Variants in MALRD1 observed in about 807,000 individuals in gnomAD.
The protein encoded by MALRD1 is MAM and LDL-receptor class A domain-containing protein 1.
In MALRD1, 247 loss-of-function variants were observed where a neutral mutation model predicts 242.1. The ratio of observed to expected loss-of-function variants is 1.02; its 90% CI spans 0.92 to 1.13. The LOEUF (loss-of-function observed/expected upper bound fraction) is 1.13. MALRD1 is among the 50% of genes most tolerant of loss of function. MALRD1 has a pLI of 0.00. For synonymous variants in MALRD1, 995 were observed against 866.6 expected (o/e 1.15, Z -2.60); for missense variants, 2,989 against 2,533.1 (o/e 1.18, Z -3.86).
At chr10:19,365,298 A>AT (rs553208742) in intron 26 of MALRD1, among the ~76,000 whole-genome samples, 55 of 151,778 alleles carry the variant, frequency 3.6e-4, no homozygotes, top group Middle Eastern at 3.4e-3. Context: ...TTTAGTGATG[A>AT]TTTTTTTTGT....
chr10:19,222,794 T>C (rs561510828), intron 18 of MALRD1, among the ~76,000 whole-genome samples: 8 of 152,334 alleles, frequency 5.3e-5, no homozygotes, highest in African/African-American at 1.9e-4. Flanking sequence ...CCAAATAGTT[T>C]TGCTTGCTTT....
chr10:19,158,215 G>A lies in MALRD1; in HGVS notation c.1656+3043G>A, dbSNP rs187701751. ...TTTTCATATTTGAGTTACTGTGTAA[G>A]TAACACAATCTCTTACTTTTAGGAC... is the stretch of plus-strand genomic sequence containing the variant. On this transcript the variant is annotated intron_variant, in intron 12 of 39. Coordinates refer to ENST00000454679, the MANE Select transcript of MALRD1 (RefSeq NM_001142308.3). Among the ~76,000 whole-genome samples, 127 of 152,298 alleles carry A rather than the reference G, an allele frequency of 8.3e-4. 1 individual carries two copies. The highest frequency in any genetic ancestry group is 1.5e-3 in the Non-Finnish European group (104 of 68,018).
chr10:19,621,263 A>G (rs1335755180), intron 36 of MALRD1, among the ~76,000 whole-genome samples: 4 of 150,704 alleles, frequency 2.7e-5, no homozygotes, highest in African/African-American at 4.9e-5. Flanking sequence ...ATTAAATATT[A>G]TTTATAAAAC....
intron 19 of MALRD1, among the ~76,000 whole-genome samples, chr10:19,259,639 G>A (rs1004992830): frequency 5.9e-5 from 9 of 152,090 alleles, no homozygotes; most frequent in Non-Finnish European, 1.3e-4. Flanking sequence ...GGGAATTATA[G>A]GAGCCATAAT....
chr10:19,530,408 T>TAAAA (rs58374618), intron 31 of MALRD1, among the ~76,000 whole-genome samples: 1 of 71,126 alleles, frequency 1.4e-5, no homozygotes, highest in Admixed American at 2.0e-4. Flanking sequence ...ATATTATATA[T>TAAAA]TTATATAATA....
chr10:19,340,603 G>A (rs961635592), intron 24 of MALRD1, among the ~76,000 whole-genome samples: 3 of 152,010 alleles, frequency 2.0e-5, no homozygotes, highest in Non-Finnish European at 4.4e-5. Flanking sequence ...AAATCAGTGG[G>A]ATAGAAAAGT....
intron 29 of MALRD1, among the ~76,000 whole-genome samples, chr10:19,479,582 G>A (rs1057471640): frequency 2.6e-5 from 4 of 152,196 alleles, no homozygotes; most frequent in Non-Finnish European, 4.4e-5. Context: ...AATATGTAAT[G>A]TGCTTAAATT....
At chr10:19,662,312 A>G (rs1282255367) in intron 36 of MALRD1, among the ~76,000 whole-genome samples, 1 of 152,172 alleles carries the variant, frequency 6.6e-6, no homozygotes, top group Non-Finnish European at 1.5e-5. Context: ...CTTTAAGATG[A>G]AAGTCTCCAC....
At position 19,354,956 on chromosome 10, in the gene MALRD1, G is replaced by A. The variant is rs117771508; in HGVS notation, c.4441+2659G>A. 2.8e-3 allele frequency among the ~76,000 whole-genome samples: 431 copies of A among 152,256 alleles called. 2 individuals are homozygous for A. The highest frequency in any genetic ancestry group is 2.5e-3 in the Non-Finnish European group (170 of 68,018). On this transcript the variant is annotated intron_variant, in intron 26 of 39. Coordinates refer to ENST00000454679, the MANE Select transcript of MALRD1 (RefSeq NM_001142308.3). ...GCAGAAAAACGTTTATGAGGTTGTA[G>A]TGAAAAATAAAACATTCAGCTGAGG... is the stretch of plus-strand genomic sequence containing the variant.
chr10:19,282,216 G>A (rs1312468970), intron 20 of MALRD1, among the ~76,000 whole-genome samples: 1 of 152,078 alleles, frequency 6.6e-6, no homozygotes, highest in Non-Finnish European at 1.5e-5. Flanking sequence ...AACAATTAAT[G>A]TTTGTTTAGA....
intron 32 of MALRD1, among the ~76,000 whole-genome samples, chr10:19,557,624 A>G (rs528309996): frequency 1.1e-3 from 167 of 152,012 alleles, no homozygotes; most frequent in Non-Finnish European, 1.8e-3. Context: ...ATTCTATTCC[A>G]TTATCAGTGT....
At chr10:19,294,744 T>C (rs1841610245) in intron 21 of MALRD1, among the ~76,000 whole-genome samples, 1 of 152,314 alleles carries the variant, frequency 6.6e-6, no homozygotes, top group Non-Finnish European at 1.5e-5. Flanking sequence ...GTAAAAACCA[T>C]ACACTGTTAA....
chr10:19,331,244 A>G, intron 23 of MALRD1, 125 bp from the exon 24 acceptor site: 1 of 878,458 alleles, frequency 1.1e-6, no homozygotes, highest in Non-Finnish European at 1.7e-6. Flanking sequence ...ATAAAAAACA[A>G]AAACAAAAAC....
chr10:19,574,680 G>A (rs16919094), intron 33 of MALRD1, among the ~76,000 whole-genome samples: 2,873 of 152,232 alleles, frequency 0.019, 49 homozygotes, highest in East Asian at 0.092. Context: ...TCTAGACCAT[G>A]TTATGTCACC....
intron 36 of MALRD1, among the ~76,000 whole-genome samples, chr10:19,680,086 A>G (rs948271399): frequency 1.3e-5 from 2 of 152,162 alleles, no homozygotes; most frequent in Non-Finnish European, 2.9e-5. Context: ...AGTTAGTACC[A>G]TGTGGTGCCA....
intron 21 of MALRD1, among the ~76,000 whole-genome samples, chr10:19,323,424 T>A (rs987046840): frequency 6.6e-6 from 1 of 152,216 alleles, no homozygotes; most frequent in Non-Finnish European, 1.5e-5. Context: ...GTCTTTGTCA[T>A]AATTTTATAC....
chr10:19,253,364 T>C (rs1426359380), intron 18 of MALRD1, among the ~76,000 whole-genome samples: 1 of 152,016 alleles, frequency 6.6e-6, no homozygotes, highest in Non-Finnish European at 1.5e-5. Flanking sequence ...TGATGACTTA[T>C]GGCAATAAGT....
At chr10:19,607,934 T>C (rs772278815) in intron 35 of MALRD1, 32 bp downstream of exon 35, 6 of 1,546,668 alleles carry the variant, frequency 3.9e-6, no homozygotes, top group Non-Finnish European at 5.2e-6. Flanking sequence ...ATTCTTGTGA[T>C]ATGAACCAGC....
At chr10:19,647,538 C>A (rs921680307) in intron 36 of MALRD1, among the ~76,000 whole-genome samples, 3 of 152,122 alleles carry the variant, frequency 2.0e-5, no homozygotes, top group African/African-American at 7.2e-5. Context: ...ATACTTGGAT[C>A]TGAAAGGGTC....
Sources: gnomAD v4.1 joint callset for allele counts (sites outside exome capture counted in the v4.1 genomes callset) on GRCh38, gnomAD v4.1.1 for gene constraint, MANE v1.5 for transcripts, NCBI Gene and HGNC (gene_info 2026-07-23, HGNC 2026-07-21) for gene names.